The following DAB2IP variants were observed in gnomAD, a reference collection of about 807,000 sequenced individuals.
The protein encoded by DAB2IP is disabled homolog 2-interacting protein.
DAB2IP carries 28 observed loss-of-function variants against 107.2 expected under a neutral mutation model. That is an observed-to-expected ratio of 0.26 (90% CI 0.19 to 0.36). DAB2IP has a LOEUF of 0.36. Among genes scored for constraint, DAB2IP ranks in the 10% least tolerant of loss-of-function variants. DAB2IP has a pLI of 1.00. For missense variants in DAB2IP, 1,400 were observed against 1,644.7 expected (o/e 0.85, Z 2.57); for synonymous variants, 755 against 706.4 (o/e 1.07, Z -1.09).
In DAB2IP at chr9:121,773,376, A is replaced by G. The variant is rs373299937; in HGVS notation, c.2848A>G (p.Ser950Gly). 134 of 1,595,296 alleles carry G rather than the reference A, an allele frequency of 8.4e-5. No individual in the cohort carries two copies. Among genetic ancestry groups the G allele is most frequent in the Non-Finnish European group, 1.1e-4 (130 of 1,172,360 alleles). The change falls in exon 12 of 16, where the codon AGC becomes GGC. Residue 950 changes from serine to glycine, a missense_variant. Transcript: ENST00000408936. ...CACCCTGCAGTACCCAAGACCCTCA[A>G]GCGGAACCCTGGCGTCGGCCTCACC...
chr9:121,747,029 A>T (rs1832766719), intron 3 of DAB2IP, among the ~76,000 whole-genome samples: 1 of 151,890 alleles, frequency 6.6e-6, no homozygotes, highest in South Asian at 2.1e-4. Context: ...GAGATGGGGG[A>T]GGGCAGTGGG....
intron 3 of DAB2IP, among the ~76,000 whole-genome samples, chr9:121,750,658 A>G (rs1449793468): frequency 1.3e-5 from 2 of 152,068 alleles, no homozygotes; most frequent in Non-Finnish European, 2.9e-5. Flanking sequence ...CCCACTCTCA[A>G]TTCCCCCCAC....
intron 1 of DAB2IP, among the ~76,000 whole-genome samples, chr9:121,652,746 C>T (rs1435782340): frequency 1.3e-5 from 2 of 152,112 alleles, no homozygotes; most frequent in Non-Finnish European, 2.9e-5. Flanking sequence ...GGGCCCTGTG[C>T]CAACAAATGC....
At chr9:121,592,552 A>G (rs1184382795) in intron 1 of DAB2IP, among the ~76,000 whole-genome samples, 4 of 152,134 alleles carry the variant, frequency 2.6e-5, no homozygotes, top group Admixed American at 2.6e-4. Context: ...TCTCATTGGA[A>G]CCCTTGAAGT....
chr9:121,702,747 A>G lies in DAB2IP; in HGVS notation c.362+3289A>G, dbSNP rs1269430850. 6.6e-6 allele frequency among the ~76,000 whole-genome samples: 1 copy of G among 152,148 alleles called. No individual in the cohort carries two copies. Among genetic ancestry groups the G allele is most frequent in the African/African-American group, 2.4e-5 (1 of 41,416 alleles). ...AGGATAATTTCCAAGTCATTCATTT[A>G]TTTATTAATGTTACTGAGGAGCTAG... On this transcript the variant is annotated intron_variant, in intron 3 of 15. Transcript: ENST00000408936. This position sits in a 1 kb window ranked among gnomAD's most constrained non-coding sequence, Gnocchi z 4.5.
rs184121340 is a variant in DAB2IP at position 121,655,611 on chromosome 9, T to C, written c.124+3712T>C. Among the ~76,000 whole-genome samples, 285 of 152,244 alleles carry C rather than the reference T, an allele frequency of 1.9e-3. 5 individuals are homozygous for C. The highest frequency in any genetic ancestry group is 0.016 in the Admixed American group (250 of 15,300). ...GGTTAGTGGGAGGCAGGGGCTGTAGTTCCAGCTCAGCCGCGGACTGGTTGC... is the reference window on the plus strand; with the variant it reads ...GGTTAGTGGGAGGCAGGGGCTGTAGCTCCAGCTCAGCCGCGGACTGGTTGC... On this transcript the variant is annotated intron_variant, in intron 1 of 15. Coordinates refer to ENST00000408936, the Ensembl canonical transcript of DAB2IP.
intron 1 of DAB2IP, among the ~76,000 whole-genome samples, chr9:121,573,075 T>G (rs527708300): frequency 3.3e-5 from 5 of 151,464 alleles, no homozygotes; most frequent in Non-Finnish European, 5.9e-5. Context: ...TGTTTTGGTT[T>G]GTTTGTTTGT....
chr9:121,774,459 G>T, intron 13 of DAB2IP, 47 bp downstream of exon 13: 2 of 1,527,316 alleles, frequency 1.3e-6, no homozygotes, highest in Non-Finnish European at 1.8e-6. Context: ...GCTGCCTCCC[G>T]GCAGCAGCTG....
chr9:121,735,414 T>G (rs1248174214), intron 3 of DAB2IP, among the ~76,000 whole-genome samples: 1 of 152,210 alleles, frequency 6.6e-6, no homozygotes, highest in Non-Finnish European at 1.5e-5. Context: ...CCTGCCTGCC[T>G]GTACACAGTA....
chr9:121,757,859 A>G (rs574827099), intron 4 of DAB2IP, among the ~76,000 whole-genome samples: 6 of 152,322 alleles, frequency 3.9e-5, no homozygotes, highest in African/African-American at 1.4e-4. Context: ...AATCATGCAT[A>G]ACTAGGAGAG....
At chr9:121,575,191 C>T (rs1019461171) in intron 1 of DAB2IP, 6 of 152,278 alleles carry the variant, frequency 3.9e-5, no homozygotes, top group African/African-American at 1.4e-4. Flanking sequence ...TGGAGAGCCC[C>T]TCCTGAACTG....
intron 1 of DAB2IP, among the ~76,000 whole-genome samples, chr9:121,676,357 G>A (rs1466488463): frequency 6.6e-6 from 1 of 152,166 alleles, no homozygotes; most frequent in Non-Finnish European, 1.5e-5. Flanking sequence ...GTGTGCGCAC[G>A]TCCCCTGCTC....
At chr9:121,725,948 G>A (rs79721477) in intron 3 of DAB2IP, among the ~76,000 whole-genome samples, 11,407 of 152,250 alleles carry the variant, frequency 0.075, 994 homozygotes, top group African/African-American at 0.21. Flanking sequence ...AAGGGTAGGT[G>A]TGGAAAGGTG....
intron 1 of DAB2IP, among the ~76,000 whole-genome samples, chr9:121,593,522 C>T (rs113364434): frequency 0.018 from 2,718 of 152,056 alleles, 79 homozygotes; most frequent in African/African-American, 0.062. Flanking sequence ...TCCTCCTGTC[C>T]TGGCCTCCCA....
chr9:121,719,268 C>G (rs1470943872), intron 3 of DAB2IP, among the ~76,000 whole-genome samples: 1 of 152,200 alleles, frequency 6.6e-6, no homozygotes, highest in Non-Finnish European at 1.5e-5. Context: ...AAGTTGGAGA[C>G]CCTGGCCTGC....
chr9:121,661,391 T>C (rs1357180361), intron 1 of DAB2IP, among the ~76,000 whole-genome samples: 1 of 152,056 alleles, frequency 6.6e-6, no homozygotes. Context: ...TGTTCACAAT[T>C]GTAGGTTTAG....
At chr9:121,755,873 C>A (rs1249933032) in intron 3 of DAB2IP, among the ~76,000 whole-genome samples, 1 of 152,130 alleles carries the variant, frequency 6.6e-6, no homozygotes, top group African/African-American at 2.4e-5. Flanking sequence ...TCAGCATAGC[C>A]CAAGGTAGGG....
In DAB2IP at chr9:121,635,239, A is replaced by T. The variant is rs1345574793; in HGVS notation, c.41-43439A>T. Reference sequence around the variant, plus strand: ...GCTGTTCATTGGACAGCACTAATTCAATGCCTAAAAATAACCTCGGACCTG... The same window carrying T: ...GCTGTTCATTGGACAGCACTAATTCTATGCCTAAAAATAACCTCGGACCTG... On this transcript the variant is annotated intron_variant, in intron 1 of 16. Coordinates refer to the DAB2IP transcript ENST00000259371. The surrounding 1 kb of genome is among the most constrained non-coding windows in gnomAD (Gnocchi z 4.3). 6.6e-6 allele frequency among the ~76,000 whole-genome samples: 1 copy of T among 152,096 alleles called. No individual in the cohort carries two copies. The highest frequency in any genetic ancestry group is 1.5e-5 in the Non-Finnish European group (1 of 68,018).
chr9:121,603,186 T>C (rs1302695684), intron 1 of DAB2IP, among the ~76,000 whole-genome samples: 1 of 152,118 alleles, frequency 6.6e-6, no homozygotes, highest in Non-Finnish European at 1.5e-5. Flanking sequence ...TGTGCGTCTA[T>C]CTATGTTTTC....
Sources: gnomAD v4.1 joint callset for allele counts (sites outside exome capture counted in the v4.1 genomes callset) on GRCh38, gnomAD v4.1.1 for gene constraint, Gnocchi (gnomAD v3.1) non-coding constraint, MANE v1.5 for transcripts, NCBI Gene and HGNC (gene_info 2026-07-23, HGNC 2026-07-21) for gene names.